The following CSNK1G3 variants were observed in gnomAD, a reference collection of about 807,000 sequenced individuals.
CSNK1G3 encodes the protein casein kinase 1 gamma 3, also known as casein kinase I isoform gamma-3.
CSNK1G3 carries 23 observed loss-of-function variants against 64.3 expected under a neutral mutation model. The observed-to-expected ratio is 0.36, with a 90% CI of 0.26 to 0.51. CSNK1G3 has a LOEUF of 0.51. Ranked by LOEUF, CSNK1G3 falls within the 20% of genes least tolerant of loss-of-function variation. The pLI is 0.96. For synonymous variants in CSNK1G3, 158 were observed against 162.2 expected (o/e 0.97, Z 0.20); for missense variants, 357 against 510.5 (o/e 0.70, Z 2.90).
chr5:123,516,900 A>G (rs1777264223), intron 1 of CSNK1G3, among the ~76,000 whole-genome samples: 1 of 152,186 alleles, frequency 6.6e-6, no homozygotes, highest in African/African-American at 2.4e-5. Flanking sequence ...ACTTTGTGTT[A>G]CCTGGAAGTA....
chr5:123,512,943 G>T (rs1483463676), intron 1 of CSNK1G3, among the ~76,000 whole-genome samples: 1 of 152,062 alleles, frequency 6.6e-6, no homozygotes, highest in African/African-American at 2.4e-5. Context: ...ATTGGGAGGT[G>T]GGGAGTGTCG....
intron 6 of CSNK1G3, among the ~76,000 whole-genome samples, chr5:123,577,517 A>G (rs924088731): frequency 6.6e-6 from 1 of 151,178 alleles, no homozygotes; most frequent in East Asian, 1.9e-4. Context: ...TCCCTTTTCT[A>G]TATTTGTAAT....
chr5:123,572,977 A>G (rs75606706), intron 4 of CSNK1G3, among the ~76,000 whole-genome samples: 2,358 of 152,332 alleles, frequency 0.015, 58 homozygotes, highest in African/African-American at 0.054. Flanking sequence ...GAATCTTGAC[A>G]GTGGTGATCT....
intron 4 of CSNK1G3, among the ~76,000 whole-genome samples, chr5:123,570,005 A>T (rs1787758361): frequency 6.6e-6 from 1 of 152,146 alleles, no homozygotes; most frequent in South Asian, 2.1e-4. Flanking sequence ...ATGGTGAATT[A>T]TATTGGTGGA....
intron 1 of CSNK1G3, among the ~76,000 whole-genome samples, chr5:123,542,790 T>A (rs1205129566): frequency 1.3e-5 from 2 of 152,004 alleles, no homozygotes; most frequent in African/African-American, 4.8e-5. Context: ...TTTTTCTCTC[T>A]CTGCTTTCAA....
chr5:123,512,377 T>C lies in CSNK1G3; in HGVS notation c.-441T>C, dbSNP rs543448904. 526 of 152,400 alleles carry C rather than the reference T, an allele frequency of 3.5e-3. 5 individuals carry two copies. Among genetic ancestry groups the C allele is most frequent in the Non-Finnish European group, 5.8e-3 (393 of 68,196 alleles). The allele number at this position is 152,400 out of a possible 1,614,324, so 9.4% of individuals were successfully genotyped here. A position where few individuals can be genotyped will look rare whatever the true frequency, so the allele number is the denominator to read the frequency against. On this transcript the variant is annotated 5_prime_UTR_variant, in exon 1 of 13. Transcript: ENST00000345990. ...TGCAGGGACCGAATCCGAGCAGCGC[T>C]GCGTTACCTCTCTCTCTCGCTCCTT...
At chr5:123,582,229 G>A (rs1022024547) in intron 6 of CSNK1G3, among the ~76,000 whole-genome samples, 14 of 152,042 alleles carry the variant, frequency 9.2e-5, no homozygotes, top group African/African-American at 3.4e-4. Context: ...TATAAGAGTA[G>A]AATTTTTAAA....
At chr5:123,587,930 T>C (rs569814608) in intron 6 of CSNK1G3, 138 bp from the exon 7 acceptor site, 6 of 548,638 alleles carry the variant, frequency 1.1e-5, no homozygotes, top group Admixed American at 7.3e-5. Flanking sequence ...TTATCACTTA[T>C]AGTTACTAGA....
chr5:123,605,377 T>C lies in CSNK1G3; in HGVS notation c.1217+15T>C, dbSNP rs902669553. On this transcript the variant is annotated intron_variant, in intron 12 of 12. Transcript: ENST00000345990. ...TTGAACATGTGGTGAGTCTCAAGTG[T>C]AGGCAGGCAGAAATAGCTCCATTGA... 2 of 1,610,348 alleles carry C rather than the reference T, an allele frequency of 1.2e-6. No homozygotes were observed.
At chr5:123,537,294 A>G (rs1477957251) in intron 1 of CSNK1G3, among the ~76,000 whole-genome samples, 1 of 152,176 alleles carries the variant, frequency 6.6e-6, no homozygotes, top group Non-Finnish European at 1.5e-5. Context: ...AGCAACATGG[A>G]TAGAACTGGA....
At chr5:123,605,306 T>C (rs901661348) in intron 11 of CSNK1G3, 33 bp from the exon 13 acceptor site, 3 of 1,577,392 alleles carry the variant, frequency 1.9e-6, no homozygotes, top group Non-Finnish European at 2.6e-6. Flanking sequence ...CTCTTTTTTT[T>C]CCTTGTATTT....
At chr5:123,518,485 G>A (rs1294654993) in intron 1 of CSNK1G3, among the ~76,000 whole-genome samples, 1 of 152,172 alleles carries the variant, frequency 6.6e-6, no homozygotes, top group Non-Finnish European at 1.5e-5. Context: ...GTCATCCTAA[G>A]GCCAGCAGCA....
intron 1 of CSNK1G3, among the ~76,000 whole-genome samples, chr5:123,515,446 A>G (rs962740659): frequency 6.6e-6 from 1 of 152,236 alleles, no homozygotes; most frequent in Non-Finnish European, 1.5e-5. Flanking sequence ...AAGAATGTAT[A>G]TTTTCACAGA....
intron 12 of CSNK1G3, among the ~76,000 whole-genome samples, chr5:123,612,601 C>T (rs1442993105): frequency 1.3e-5 from 2 of 151,952 alleles, no homozygotes; most frequent in East Asian, 3.9e-4. Context: ...CCTCAGCCTC[C>T]TGAGTAGCTG....
chr5:123,588,604 TAAAA>T lies in CSNK1G3; in HGVS notation c.844+100_844+103del, dbSNP rs201147282. 18 of 726,266 alleles carry T rather than the reference TAAAA, an allele frequency of 2.5e-5. 1 individual carries two copies. In the East Asian group the frequency reaches 4.1e-4, roughly 17 times the overall value. 45.0% of individuals were successfully genotyped at this position (726,266 alleles called of 1,614,324 possible). ...GTTTATACATATTTTTTTCTATGCT[TAAAA>T]AAAAAAGAGCTAAAAATATGATTTA... On this transcript the variant is annotated intron_variant, in intron 8 of 12. Coordinates refer to ENST00000345990, the Ensembl canonical transcript of CSNK1G3.
chr5:123,569,319 A>T (rs1050884946), intron 4 of CSNK1G3, among the ~76,000 whole-genome samples: 2 of 152,240 alleles, frequency 1.3e-5, no homozygotes, highest in African/African-American at 4.8e-5. Context: ...ATTAATTTTT[A>T]AATTATGAAT....
intron 4 of CSNK1G3, among the ~76,000 whole-genome samples, chr5:123,561,176 A>G (rs1369712564): frequency 3.3e-5 from 5 of 152,122 alleles, no homozygotes; most frequent in Admixed American, 6.6e-5. Context: ...GGATTAGACT[A>G]TTGTTTTATA....
At chr5:123,592,445 A>G (rs544041228) in intron 10 of CSNK1G3, among the ~76,000 whole-genome samples, 1 of 151,822 alleles carries the variant, frequency 6.6e-6, no homozygotes, top group South Asian at 2.1e-4. Flanking sequence ...CAATGTTTTA[A>G]TTTTTCTCTC....
At chr5:123,546,011 G>A in intron 2 of CSNK1G3, 170 bp downstream of exon 2, 1 of 630,976 alleles carries the variant, frequency 1.6e-6, no homozygotes, top group Non-Finnish European at 2.7e-6. Flanking sequence ...TCATGTGTAA[G>A]GAATTCCCTA....
Sources: allele counts gnomAD v4.1 joint callset (sites outside exome capture counted in the v4.1 genomes callset), GRCh38; gene constraint gnomAD v4.1.1; transcripts MANE v1.5; gene names NCBI Gene and HGNC (gene_info 2026-07-23, HGNC 2026-07-21).